Variants in KCTD1 observed in about 807,000 individuals in gnomAD.
KCTD1 encodes BTB/POZ domain-containing protein KCTD1.
A neutral mutation model predicts 66.0 loss-of-function variants in KCTD1; 24 were observed. The ratio of observed to expected loss-of-function variants is 0.36; its 90% confidence interval spans 0.26 to 0.51. The LOEUF (loss-of-function observed/expected upper bound fraction) is 0.51, where lower values mean the gene tolerates loss of function less well. Among genes scored for constraint, KCTD1 ranks in the 20% least tolerant of loss-of-function variants. The pLI, the probability that KCTD1 is intolerant of heterozygous loss-of-function variation, is 0.95. For synonymous variants in KCTD1, 511 were observed against 517.2 expected (o/e 0.99, Z 0.16); for missense variants, 943 against 1,205.2 (o/e 0.78, Z 3.22).
chr18:26,550,896 C>T (rs1351206195), upstream of KCTD1, among the ~76,000 whole-genome samples: 4 of 152,228 alleles, frequency 2.6e-5, no homozygotes, highest in Non-Finnish European at 5.9e-5. This position sits in a 1 kb window ranked among gnomAD's most constrained non-coding sequence, Gnocchi z 5.4. Flanking sequence ...GCGGAGAACT[C>T]AGGTGGGTGC....
chr18:26,487,842 C>A (rs1158474388), intron 2 of KCTD1, among the ~76,000 whole-genome samples: 1 of 152,160 alleles, frequency 6.6e-6, no homozygotes, highest in African/African-American at 2.4e-5. Context: ...AGAACAGAAC[C>A]AAGCCCTAAC....
intron 1 of KCTD1, among the ~76,000 whole-genome samples, chr18:26,656,301 T>TAA (rs1456273865): frequency 1.3e-5 from 2 of 151,546 alleles, no homozygotes; most frequent in African/African-American, 4.9e-5. Context: ...CTCGCATCCT[T>TAA]CCCCCGTCCC....
chr18:26,548,325 A>C lies in KCTD1; in HGVS notation c.212T>G (p.Ile71Arg). The change falls in exon 1 of 5, where the codon ATA becomes AGA. Residue 71 changes from isoleucine to arginine, a missense_variant. Coordinates refer to ENST00000580059, the MANE Select transcript of KCTD1 (RefSeq NM_001142730.3). ...CTCCTCCTCCTCCTCGTCCCCCGTT[A>C]TCTGCACCTCCTGGATCTCGTCCTC... ...EEEDEIQEVQ[I>R]TGDEEEEEDG... 6.7e-7 allele frequency: 1 copy of C among 1,485,206 alleles called. No homozygotes were observed. The allele number at this position is 1,485,206 out of a possible 1,614,324, so 92.0% of individuals were successfully genotyped here.
rs76668350 is a variant in KCTD1, at chr18:26,573,581, A to G, written c.-16+55566T>C. Reference sequence around the variant, plus strand: ...TGGTGAGAAGCTGGTTATCTCTGGAATCACCATGAATGTGTGTGCTACAAA... The same window carrying G: ...TGGTGAGAAGCTGGTTATCTCTGGAGTCACCATGAATGTGTGTGCTACAAA... On this transcript the variant is annotated intron_variant, in intron 1 of 4. Transcript: ENST00000317932. Among the ~76,000 whole-genome samples, 812 of 152,306 alleles carry G rather than the reference A, an allele frequency of 5.3e-3. 1 individual carries two copies. Among genetic ancestry groups the G allele is most frequent in the South Asian group, 0.017 (81 of 4,820 alleles).
At chr18:26,631,204 T>C (rs1987610982), upstream of KCTD1, among the ~76,000 whole-genome samples, 1 of 152,240 alleles carries the variant, frequency 6.6e-6, no homozygotes, top group South Asian at 2.1e-4. Context: ...AGTATTTTCA[T>C]AGCAGGAAAT....
chr18:26,564,583 A>ATG, intron 1 of KCTD1, among the ~76,000 whole-genome samples: 1 of 152,126 alleles, frequency 6.6e-6, no homozygotes, highest in South Asian at 2.1e-4. Context: ...CCGTGTGTGT[A>ATG]TGTGTGTGTG....
chr18:26,624,234 T>C (rs571770523), intron 1 of KCTD1, among the ~76,000 whole-genome samples: 1 of 152,018 alleles, frequency 6.6e-6, no homozygotes, highest in African/African-American at 2.4e-5. Context: ...TGGGGAGAAA[T>C]TCAAGCCAGC....
chr18:26,505,352 T>C (rs1002744457), intron 1 of KCTD1, among the ~76,000 whole-genome samples: 1 of 152,244 alleles, frequency 6.6e-6, no homozygotes, highest in Non-Finnish European at 1.5e-5. Context: ...GGGACTTGGA[T>C]GTGCCGTCAC....
chr18:26,635,799 C>A (rs535087636), intron 1 of KCTD1, among the ~76,000 whole-genome samples: 1 of 152,240 alleles, frequency 6.6e-6, no homozygotes, highest in South Asian at 2.1e-4. Context: ...CTGTGAAATG[C>A]CCCCAAATAG....
chr18:26,530,352 A>G (rs1478286811), intron 1 of KCTD1, among the ~76,000 whole-genome samples: 1 of 152,160 alleles, frequency 6.6e-6, no homozygotes, highest in Non-Finnish European at 1.5e-5. Context: ...GACAGAAGAG[A>G]TATGAGGGTT....
intron 1 of KCTD1, among the ~76,000 whole-genome samples, chr18:26,636,809 C>G (rs2145055955): frequency 6.6e-6 from 1 of 152,322 alleles, no homozygotes; most frequent in Admixed American, 6.5e-5. Context: ...AAGATGGGCC[C>G]CCACTAAAGT....
intron 1 of KCTD1, among the ~76,000 whole-genome samples, chr18:26,594,913 G>A (rs569820789): frequency 6.6e-6 from 1 of 152,094 alleles, no homozygotes; most frequent in Non-Finnish European, 1.5e-5. Flanking sequence ...CTGCAGATTT[G>A]GGACTTAGCA....
chr18:26,457,117 T>C (rs1393721200), intron 4 of KCTD1: 4 of 150,990 alleles, frequency 2.6e-5, no homozygotes, highest in African/African-American at 9.8e-5. Context: ...CAAGAGAGTA[T>C]GTTTTCTAAA....
intron 1 of KCTD1, among the ~76,000 whole-genome samples, chr18:26,601,349 A>AAAAG (rs376024308): frequency 1.5e-4 from 23 of 149,540 alleles, no homozygotes; most frequent in Admixed American, 6.0e-4. Context: ...AAAAAAAAAA[A>AAAAG]GAAAGAAATT....
chr18:26,630,435 G>A (rs922966844), upstream of KCTD1, among the ~76,000 whole-genome samples: 1 of 152,052 alleles, frequency 6.6e-6, no homozygotes, highest in Non-Finnish European at 1.5e-5. Flanking sequence ...CCTACCACAG[G>A]CTTCTGAGTA....
chr18:26,523,649 T>A (rs148860250), intron 1 of KCTD1, among the ~76,000 whole-genome samples: 2,190 of 152,140 alleles, frequency 0.014, 56 homozygotes, highest in African/African-American at 0.05. Context: ...TTAAAAAATT[T>A]AAAACAAAAA....
At chr18:26,579,813 G>A (rs1037615261) in intron 1 of KCTD1, among the ~76,000 whole-genome samples, 25 of 152,144 alleles carry the variant, frequency 1.6e-4, no homozygotes, top group Non-Finnish European at 1.9e-4. Flanking sequence ...GAAAACTGAA[G>A]CCATTTCTTC....
At chr18:26,475,712 CGTG>C (rs1293414148) in intron 3 of KCTD1, among the ~76,000 whole-genome samples, 2 of 152,074 alleles carry the variant, frequency 1.3e-5, no homozygotes, top group East Asian at 3.9e-4. Flanking sequence ...ATTAGCTAGG[CGTG>C]GTGGTGGGCA....
chr18:26,461,706 A>T (rs1262338474), intron 3 of KCTD1, among the ~76,000 whole-genome samples: 4 of 152,274 alleles, frequency 2.6e-5, no homozygotes, highest in Admixed American at 2.6e-4. Flanking sequence ...AGGAGATTTT[A>T]AACAGCAATG....
Sources: gnomAD v4.1 joint callset for allele counts (sites outside exome capture counted in the v4.1 genomes callset) on GRCh38, gnomAD v4.1.1 for gene constraint, Gnocchi (gnomAD v3.1) non-coding constraint, MANE v1.5 for transcripts, NCBI Gene and HGNC (gene_info 2026-07-23, HGNC 2026-07-21) for gene names.